OR2AT4: variants seen among roughly 807,000 people sequenced by gnomAD.
The protein encoded by OR2AT4 is olfactory receptor 2AT4.
Under a neutral mutation model 10.3 loss-of-function variants are expected in OR2AT4, and 6 were observed. The observed-to-expected ratio is 0.58, with a 90% CI of 0.32 to 1.15. OR2AT4 has a LOEUF of 1.15. OR2AT4 is among the 50% of genes most tolerant of loss of function. The pLI is 0.05. For synonymous variants in OR2AT4, 145 were observed against 159.1 expected (o/e 0.91, Z 0.67); for missense variants, 354 against 393.8 (o/e 0.90, Z 0.85).
At chr11:75,093,252 A>G (rs939386751) in intron 1 of OR2AT4, among the ~76,000 whole-genome samples, 9 of 152,372 alleles carry the variant, frequency 5.9e-5, no homozygotes, top group Admixed American at 5.2e-4. Context: ...TCCCTCTGTA[A>G]GAGCATGACT....
rs756446890 is a variant in OR2AT4 at position 75,089,509 on chromosome 11, T to C, written c.205A>G (p.Ile69Val). The C allele has an allele frequency of 1.9e-6, 3 of 1,613,852 alleles. No individual in the cohort carries two copies. The Admixed American group carries it at 5.0e-5, about 27-fold the overall frequency. Reference sequence around the variant, plus strand: ...AGGATGTCCAAGGTGGAGAGATTGATCAGAAAGAAGTACATGGGCTTGTGG... The same window carrying C: ...AGGATGTCCAAGGTGGAGAGATTGACCAGAAAGAAGTACATGGGCTTGTGG... The change falls in exon 2 of 2, where the codon ATC (isoleucine) becomes GTC (valine). Residue 69 changes from isoleucine (I) to valine (V), a missense_variant. Transcript: ENST00000641504.
At chr11:75,086,963 AC>A (rs1355137319) in exon 2 of OR2AT4, 1 of 152,210 alleles carries the variant, frequency 6.6e-6, no homozygotes, top group African/African-American at 2.4e-5. Context: ...ACATTATGTA[AC>A]CTTTTTAGAT....
rs142444776 is a variant in OR2AT4, at chr11:75,089,671, C to T, written c.43G>A (p.Val15Ile). 292 of 1,613,578 alleles carry T rather than the reference C, an allele frequency of 1.8e-4. 1 individual carries two copies. In the African/African-American group the frequency reaches 3.0e-3, roughly 17 times the overall value. Residue 15 changes from valine (V) to isoleucine (I), a missense_variant, in exon 2 of 2, where the codon GTC becomes ATC. Transcript: ENST00000641504. ...GAGGGGATGCCCAATAGATAGAAGA[C>T]GGGTGAGCCATCCACTGATTCATTA...
intron 1 of OR2AT4, among the ~76,000 whole-genome samples, chr11:75,093,782 CT>C (rs1949331574): frequency 7.5e-6 from 1 of 133,542 alleles, no homozygotes; most frequent in Admixed American, 7.4e-5. Context: ...TTTTCCTTTT[CT>C]CTTTTCTTTT....
chr11:75,094,563 C>T (rs1480651852), intron 1 of OR2AT4, among the ~76,000 whole-genome samples: 5 of 152,230 alleles, frequency 3.3e-5, no homozygotes, highest in African/African-American at 9.6e-5. Context: ...GCCTGGGCAA[C>T]ATAGCAAGAC....
At chr11:75,090,846 TCA>T (rs77512650) in intron 1 of OR2AT4, among the ~76,000 whole-genome samples, 23,258 of 152,074 alleles carry the variant, frequency 0.15, 2,011 homozygotes, top group East Asian at 0.39. Flanking sequence ...AGGGATTTCC[TCA>T]CACACACACT....
exon 2 of OR2AT4, chr11:75,087,663 C>T (rs973707201): frequency 1.3e-5 from 2 of 152,236 alleles, no homozygotes; most frequent in Admixed American, 6.5e-5. Context: ...CCTTTTAATA[C>T]ATCCCTTTTA....
At chr11:75,088,228 C>T (rs945157008) in exon 2 of OR2AT4, 2 of 152,260 alleles carry the variant, frequency 1.3e-5, no homozygotes, top group Admixed American at 6.5e-5. Flanking sequence ...GTAGGTATTG[C>T]GGTAGTGTTA....
rs748190127 is a variant in OR2AT4, at chr11:75,089,533, G to A, written c.181C>T (p.His61Tyr). The A allele has an allele frequency of 4.3e-6, 7 of 1,614,054 alleles. No homozygotes were observed. Among genetic ancestry groups the A allele is most frequent in the Non-Finnish European group, 5.9e-6 (7 of 1,180,006 alleles). ...ATCAGAAAGAAGTACATGGGCTTGT[G>A]GAGGCTGGGCTCTGCCACCACGGCC... is the stretch of plus-strand genomic sequence containing the variant. Residue 61 changes from histidine (H) to tyrosine (Y), a missense_variant, in exon 2 of 2, where the codon CAC becomes TAC. By Grantham distance (83) the His-to-Tyr change is moderately conservative. Transcript: ENST00000641504.
At chr11:75,094,381 G>C (rs1455431744) in intron 1 of OR2AT4, among the ~76,000 whole-genome samples, 8 of 152,194 alleles carry the variant, frequency 5.3e-5, no homozygotes, top group African/African-American at 1.9e-4. Context: ...TTCAGAGTTT[G>C]TTCTTTAGTT....
intron 1 of OR2AT4, among the ~76,000 whole-genome samples, chr11:75,091,447 C>T (rs928322624): frequency 6.6e-6 from 1 of 152,020 alleles, no homozygotes; most frequent in African/African-American, 2.4e-5. Flanking sequence ...TGGGCAATTT[C>T]AATAGAAAAT....
intron 1 of OR2AT4, among the ~76,000 whole-genome samples, chr11:75,093,810 C>CTTTTTTTTTTTTTTTTTT (rs556380402): frequency 1.8e-4 from 11 of 61,804 alleles, no homozygotes; most frequent in Admixed American, 2.4e-4. Context: ...TTTTCTTTTT[C>CTTTTTTTTTTTTTTTTTT]TTTTTTTTTT....
intron 1 of OR2AT4, among the ~76,000 whole-genome samples, chr11:75,092,035 C>A (rs896597937): frequency 6.6e-6 from 1 of 151,994 alleles, no homozygotes; most frequent in Admixed American, 6.6e-5. Context: ...AAAACCTTGA[C>A]AAGTAAGAAA....
chr11:75,082,866 G>A (rs1455021105), exon 2 of OR2AT4: 1 of 152,096 alleles, frequency 6.6e-6, no homozygotes, highest in East Asian at 1.9e-4. Context: ...AGGATCCCTT[G>A]AGCTCAGGAG....
At chr11:75,091,622 A>T (rs1238574031) in intron 1 of OR2AT4, among the ~76,000 whole-genome samples, 1 of 152,232 alleles carries the variant, frequency 6.6e-6, no homozygotes. Context: ...AATTAAGCCC[A>T]GAGATAGAAG....
exon 2 of OR2AT4, chr11:75,086,153 CAACCT>C (rs1157338799): frequency 2.0e-5 from 3 of 152,128 alleles, no homozygotes; most frequent in African/African-American, 7.2e-5. Context: ...AAAAGAATCT[CAACCT>C]AAACCTCACA....
exon 2 of OR2AT4, chr11:75,089,225 T>A (rs778587319): frequency 6.2e-7 from 1 of 1,614,096 alleles, no homozygotes; most frequent in Non-Finnish European, 8.5e-7. Flanking sequence ...TTACTACTGC[T>A]GGGATGGGCA....
intron 1 of OR2AT4, among the ~76,000 whole-genome samples, chr11:75,091,825 G>A (rs1335126907): frequency 1.3e-5 from 2 of 152,092 alleles, no homozygotes; most frequent in African/African-American, 2.4e-5. Flanking sequence ...TTGAGTTTTG[G>A]TTACATGTAT....
At position 75,090,267 on chromosome 11, in the gene OR2AT4, T is replaced by C. The variant is rs1420948722; in HGVS notation, c.-554A>G. Reference sequence around the variant, plus strand: ...CTTCTTTCTCCAAGGCTGTGTGTACTATGCAGCTGCTCACACTCTTATTAA... The same window carrying C: ...CTTCTTTCTCCAAGGCTGTGTGTACCATGCAGCTGCTCACACTCTTATTAA... On this transcript the variant is annotated 5_prime_UTR_variant, in exon 2 of 2. In the 5' UTR this introduces an upstream ATG that the reference lacks. Transcript: ENST00000641504. The C allele has an allele frequency of 6.5e-6, 1 of 154,340 alleles. No homozygotes were observed. The highest frequency in any genetic ancestry group is 1.4e-5 in the Non-Finnish European group (1 of 69,436). The allele number at this position is 154,340 out of a possible 1,614,324, so 9.6% of individuals were successfully genotyped here. A position where few individuals can be genotyped will look rare whatever the true frequency, so the allele number is the denominator to read the frequency against.
Sources: gnomAD v4.1 joint callset for allele counts (sites outside exome capture counted in the v4.1 genomes callset) on GRCh38, gnomAD v4.1.1 for gene constraint, MANE v1.5 for transcripts, NCBI Gene and HGNC (gene_info 2026-07-23, HGNC 2026-07-21) for gene names.